Variants in ZNF679 observed in about 807,000 individuals in gnomAD.
The protein encoded by ZNF679 is zinc finger protein 679, also known as hypothetical protein MGC42415.
Under a neutral mutation model 13.4 loss-of-function variants are expected in ZNF679, and 10 were observed. That is an observed-to-expected ratio of 0.75 (90% CI 0.46 to 1.27). The LOEUF is 1.27. Among genes scored for constraint, ZNF679 ranks in the 50% most tolerant of loss-of-function variants. The probability of loss-of-function intolerance (pLI) is 0.00; values close to 1 mark genes in which losing one functional copy is unlikely to be tolerated. For missense variants in ZNF679, 525 were observed against 477.8 expected, an observed-to-expected ratio of 1.10 and a Z score of -0.92; for synonymous variants, 179 against 162.5, an observed-to-expected ratio of 1.10 and a Z score of -0.77.
At chr7:64,243,714 A>C (rs11980936) in intron 1 of ZNF679, among the ~76,000 whole-genome samples, 1 of 152,016 alleles carries the variant, frequency 6.6e-6, no homozygotes. Flanking sequence ...TATATTTCAC[A>C]ATCTAAACTG....
chr7:64,240,242 C>T (rs1215255540), intron 1 of ZNF679, among the ~76,000 whole-genome samples: 1 of 152,140 alleles, frequency 6.6e-6, no homozygotes, highest in Non-Finnish European at 1.5e-5. Flanking sequence ...GGACTCTTCT[C>T]AAAGTAAGAA....
chr7:64,260,187 T>A, intron 2 of ZNF679, 34 bp from the exon 3 acceptor site: 1 of 1,572,910 alleles, frequency 6.4e-7, no homozygotes, highest in Non-Finnish European at 8.6e-7. Context: ...TGTGTGTTCA[T>A]GAGTGTTTTT....
chr7:64,263,708 GT>G, intron 4 of ZNF679, among the ~76,000 whole-genome samples: 1 of 152,224 alleles, frequency 6.6e-6, no homozygotes, highest in East Asian at 1.9e-4. Flanking sequence ...CATGTGACAT[GT>G]TTGGTTCTTT....
chr7:64,237,034 A>G (rs1787737078), intron 1 of ZNF679, among the ~76,000 whole-genome samples: 1 of 151,894 alleles, frequency 6.6e-6, no homozygotes. Context: ...ACCTATGGGT[A>G]GGGAACAGTA....
chr7:64,254,669 G>C (rs894628182), intron 2 of ZNF679, among the ~76,000 whole-genome samples: 9 of 152,016 alleles, frequency 5.9e-5, no homozygotes, highest in African/African-American at 2.2e-4. Context: ...ATGAGTCCCC[G>C]GGATTTGTGA....
At chr7:64,243,473 G>T (rs11984011) in intron 1 of ZNF679, among the ~76,000 whole-genome samples, 45,656 of 152,082 alleles carry the variant, frequency 0.3, 7,643 homozygotes, top group East Asian at 0.48. Context: ...CATCATCTAG[G>T]TGATGGGCCC....
Position 64,266,647 on chromosome 7 carries a change from C to T in ZNF679, c.1014C>T (p.Thr338=). ...GCAAAGCCTTTAACTGCTCCTCAAC[C>T]CTTAAGAAACATAAGATAATTCATA... ...ECGKAFNCSS[T]LKKHKIIHTG... The change falls in exon 5 of 5, where the codon ACC becomes ACT. Residue 338 remains threonine (T), a synonymous_variant. Coordinates refer to ENST00000421025, the MANE Select transcript of ZNF679 (RefSeq NM_153363.3). 6.2e-7 allele frequency: 1 copy of T among 1,610,172 alleles called. No homozygotes were observed. Among genetic ancestry groups the T allele is most frequent in the Non-Finnish European group, 8.5e-7 (1 of 1,176,934 alleles).
chr7:64,253,644 A>T (rs1787969523), intron 2 of ZNF679, among the ~76,000 whole-genome samples: 1 of 152,258 alleles, frequency 6.6e-6, no homozygotes, highest in South Asian at 2.1e-4. Context: ...AAAAAGTACC[A>T]GGTATAAGAT....
intron 1 of ZNF679, among the ~76,000 whole-genome samples, chr7:64,246,450 G>A (rs1212635868): frequency 3.9e-5 from 6 of 152,140 alleles, no homozygotes; most frequent in Admixed American, 6.5e-5. Context: ...AGAGCTGGGG[G>A]TGGTGGCTCA....
In ZNF679 at chr7:64,266,743, T is replaced by C. The variant is rs781281289; in HGVS notation, c.1110T>C (p.His370=). Residue 370 remains histidine, a synonymous_variant, in exon 5 of 5, where the codon CAT becomes CAC. Transcript: ENST00000421025. ...CCTTCTCCTCAACTCTTAATACTCA[T>C]AAGAGGATTCATACTGGAGAGGAAC... ...AFAFSSTLNT[H]KRIHTGEEPY... 1.6e-5 allele frequency: 25 copies of C among 1,611,208 alleles called. No homozygotes were observed. The South Asian group carries it at 1.9e-4, about 12-fold the overall frequency.
At chr7:64,258,112 TA>T (rs55860988) in intron 2 of ZNF679, among the ~76,000 whole-genome samples, 46,193 of 151,940 alleles carry the variant, frequency 0.3, 8,224 homozygotes, top group East Asian at 0.65. Context: ...TGGAGTCTGA[TA>T]GGGGAGGGCA....
intron 1 of ZNF679, among the ~76,000 whole-genome samples, chr7:64,236,412 A>G (rs1383645948): frequency 1.1e-4 from 16 of 151,996 alleles, no homozygotes; most frequent in Admixed American, 1.1e-3. Flanking sequence ...TTTAGGCACC[A>G]GAGGTGTGGT....
At chr7:64,229,830 C>G (rs962205118) in intron 1 of ZNF679, among the ~76,000 whole-genome samples, 6 of 152,112 alleles carry the variant, frequency 3.9e-5, no homozygotes, top group African/African-American at 1.4e-4. Flanking sequence ...TCAGGTAAAA[C>G]AGTCATATCA....
chr7:64,261,860 C>CTTT (rs57119054), intron 4 of ZNF679, among the ~76,000 whole-genome samples: 4 of 137,376 alleles, frequency 2.9e-5, no homozygotes, highest in African/African-American at 5.4e-5. Flanking sequence ...TTCTTTCTTT[C>CTTT]TTTTTTTTTT....
intron 2 of ZNF679, among the ~76,000 whole-genome samples, chr7:64,252,430 T>C (rs761952335): frequency 9.9e-5 from 15 of 152,202 alleles, no homozygotes; most frequent in Admixed American, 3.9e-4. Flanking sequence ...TTGTTAAAAA[T>C]TTGCATTTAC....
At chr7:64,254,825 T>A (rs10238648) in intron 2 of ZNF679, among the ~76,000 whole-genome samples, 2 of 151,500 alleles carry the variant, frequency 1.3e-5, no homozygotes, top group African/African-American at 2.4e-5. Context: ...CATGGTGAAA[T>A]CCCATCTCTA....
chr7:64,260,969 G>T, intron 4 of ZNF679, 40 bp downstream of exon 4: 1 of 1,576,694 alleles, frequency 6.3e-7, no homozygotes, highest in Non-Finnish European at 8.6e-7. Flanking sequence ...CAGATGAGAG[G>T]TGCAAAAGTC....
chr7:64,235,666 G>A (rs1044547871), intron 1 of ZNF679, among the ~76,000 whole-genome samples: 1 of 152,014 alleles, frequency 6.6e-6, no homozygotes, highest in African/African-American at 2.4e-5. Context: ...GCACAAGCCT[G>A]TAATTCCAGC....
At chr7:64,230,465 G>A (rs1396845450) in intron 1 of ZNF679, among the ~76,000 whole-genome samples, 9 of 151,634 alleles carry the variant, frequency 5.9e-5, no homozygotes, top group Non-Finnish European at 8.8e-5. Flanking sequence ...CCCGGGAAGC[G>A]GAGCTTGCAG....
Sources: allele counts gnomAD v4.1 joint callset (sites outside exome capture counted in the v4.1 genomes callset), GRCh38; gene constraint gnomAD v4.1.1; transcripts MANE v1.5; gene names NCBI Gene and HGNC (gene_info 2026-07-23, HGNC 2026-07-21).